RHO: variants seen among roughly 807,000 people sequenced by gnomAD.
The protein encoded by RHO is rhodopsin, also known as opsin 2, rod pigment.
Under a neutral mutation model 31.2 loss-of-function variants are expected in RHO, and 21 were observed. That is an observed-to-expected ratio of 0.67 (90% CI 0.48 to 0.97). The LOEUF (loss-of-function observed/expected upper bound fraction) is 0.97, where lower values mean the gene tolerates loss of function less well. Ranked by LOEUF, RHO falls within the 50% of genes least tolerant of loss-of-function variation. The probability of loss-of-function intolerance (pLI) is 0.00; values close to 1 mark genes in which losing one functional copy is unlikely to be tolerated. For synonymous variants in RHO, 211 were observed against 196.6 expected, an observed-to-expected ratio of 1.07 and a Z score of -0.61; for missense variants, 414 against 479.5, an observed-to-expected ratio of 0.86 and a Z score of 1.28.
Position 129,529,041 on chromosome 3 carries a change from T to A in RHO, c.308T>A (p.Phe103Tyr). 1.9e-6 allele frequency: 3 copies of A among 1,613,454 alleles called. No homozygotes were observed. Among genetic ancestry groups the A allele is most frequent in the Non-Finnish European group, 2.5e-6 (3 of 1,179,420 alleles). ...CTCTACACCTCTCTGCATGGATACT[T>A]CGTCTTCGGGCCCACAGGATGCAAT... ...STLYTSLHGY[F>Y]VFGPTGCNLE... The change falls in exon 1 of 5, where the codon TTC (phenylalanine) becomes TAC (tyrosine). Residue 103 changes from phenylalanine (F) to tyrosine (Y), a missense_variant. Phe to Tyr is a conservative substitution (Grantham distance 22, BLOSUM62 3). Coordinates refer to ENST00000296271, the MANE Select transcript of RHO (RefSeq NM_000539.3).
intron 1 of RHO, 133 bp downstream of exon 1, chr3:129,529,227 C>T (rs1560045878): frequency 1.7e-6 from 2 of 1,187,634 alleles, no homozygotes; most frequent in Non-Finnish European, 2.3e-6. Context: ...CCAAAGCCCT[C>T]ATATATTCAG....
In RHO at chr3:129,529,007, A is replaced by T; in HGVS notation, c.274A>T (p.Thr92Ser). ...ADLFMVLGGF[T>S]STLYTSLHGY... The stretch of plus-strand genomic sequence containing the variant: ...CCTCTTCATGGTCCTAGGTGGCTTC[A>T]CCAGCACCCTCTACACCTCTCTGCA... Residue 92 changes from threonine (T) to serine (S), a missense_variant, in exon 1 of 5, where the codon ACC becomes TCC. Coordinates refer to ENST00000296271, the MANE Select transcript of RHO (RefSeq NM_000539.3). The T allele has an allele frequency of 6.2e-7, 1 of 1,614,176 alleles. No individual in the cohort carries two copies. Among genetic ancestry groups the T allele is most frequent in the Non-Finnish European group, 8.5e-7 (1 of 1,180,040 alleles).
chr3:129,530,859 T>G lies in RHO; in HGVS notation c.362-17T>G, dbSNP rs746563423. On this transcript the variant is annotated splice_polypyrimidine_tract_variant and intron_variant, in intron 1 of 4. Coordinates refer to ENST00000296271, the MANE Select transcript of RHO (RefSeq NM_000539.3). Reference sequence around the variant, plus strand: ...GGCAGTGGGGTCTGTGCTGACCGCCTGCTGACTGCCTTGCAGGTGAAATTG... The same window carrying G: ...GGCAGTGGGGTCTGTGCTGACCGCCGGCTGACTGCCTTGCAGGTGAAATTG... The G allele has an allele frequency of 3.1e-6, 5 of 1,614,108 alleles. No individual in the cohort carries two copies. In the African/African-American group the frequency reaches 4.0e-5, roughly 13 times the overall value.
intron 1 of RHO, among the ~76,000 whole-genome samples, chr3:129,529,847 C>G (rs570714427): frequency 6.6e-6 from 1 of 152,320 alleles, no homozygotes; most frequent in South Asian, 2.1e-4. Context: ...AAAACTGAGG[C>G]AGGGAGAGGG....
intron 1 of RHO, among the ~76,000 whole-genome samples, chr3:129,530,533 A>AAAAC (rs2084771508): frequency 8.1e-6 from 1 of 122,898 alleles, no homozygotes; most frequent in Non-Finnish European, 1.6e-5. Context: ...ACACACACAC[A>AAAAC]ACACACACAC....
chr3:129,531,229 G>A (rs1020274333), intron 2 of RHO, among the ~76,000 whole-genome samples, 185 bp downstream of exon 2: 1 of 152,216 alleles, frequency 6.6e-6, no homozygotes, highest in Non-Finnish European at 1.5e-5. Context: ...TACAAGGGCT[G>A]GTCCCATCTC....
intron 1 of RHO, 54 bp from the exon 2 acceptor site, chr3:129,530,822 G>T (rs1400408135): frequency 3.1e-6 from 5 of 1,605,676 alleles, no homozygotes; most frequent in Non-Finnish European, 4.3e-6. Context: ...AGGGGGGAGT[G>T]CACCCTCCTT....
chr3:129,529,658 CT>C (rs1456900243), intron 1 of RHO, among the ~76,000 whole-genome samples: 1 of 152,250 alleles, frequency 6.6e-6, no homozygotes, highest in Non-Finnish European at 1.5e-5. Context: ...TGCCTCCCCT[CT>C]CAGCCCCTGT....
rs1578279874 is a variant in RHO, at chr3:129,531,138, C to G, written c.530+94C>G. The G allele has an allele frequency of 6.8e-6, 10 of 1,466,966 alleles. No homozygotes were observed. The South Asian group carries it at 1.0e-4, about 15-fold the overall frequency. The allele number at this position is 1,466,966 out of a possible 1,614,324, so 90.9% of individuals were successfully genotyped here. A position where few individuals can be genotyped will look rare whatever the true frequency, so the allele number is the denominator to read the frequency against. ...ACCCAGTAGTGTCTGGTTCCAGGCA[C>G]TGACCTTGTATGTCTCCTGGCCCAA... On this transcript the variant is annotated intron_variant, in intron 2 of 4. Transcript: ENST00000296271.
In RHO at chr3:129,528,743, A is replaced by G. The variant is rs2084755534; in HGVS notation, c.10A>G (p.Thr4Ala). ...CACAAGGGCCACAGCCATGAATGGCACAGAAGGCCCTAACTTCTACGTGCC... is the reference window on the plus strand; with the variant it reads ...CACAAGGGCCACAGCCATGAATGGCGCAGAAGGCCCTAACTTCTACGTGCC... MNG[T>A]EGPNFYVPFS... The change falls in exon 1 of 5, where the codon ACA (threonine) becomes GCA (alanine). Residue 4 changes from threonine (T) to alanine (A), a missense_variant. Physicochemically the swap from Thr to Ala is moderately conservative, Grantham distance 58. Coordinates refer to ENST00000296271, the MANE Select transcript of RHO (RefSeq NM_000539.3). 1 of 1,614,198 alleles carries G rather than the reference A, an allele frequency of 6.2e-7. No individual in the cohort carries two copies. Among genetic ancestry groups the G allele is most frequent in the Non-Finnish European group, 8.5e-7 (1 of 1,180,046 alleles).
Position 129,533,713 on chromosome 3 carries a change from G to A in RHO, c.1042G>A (p.Ala348Thr). 1 of 1,610,554 alleles carries A rather than the reference G, an allele frequency of 6.2e-7. No homozygotes were observed. Among genetic ancestry groups the A allele is most frequent in the Non-Finnish European group, 8.5e-7 (1 of 1,176,922 alleles). Residue 348 changes from alanine (A) to threonine (T), a missense_variant, in exon 5 of 5, where the codon GCC (alanine) becomes ACC (threonine). Ala to Thr is a moderately conservative substitution (Grantham distance 58). Transcript: ENST00000296271. Reference sequence around the variant, plus strand: ...GACGGAGACGAGCCAGGTGGCCCCGGCCTAAGACCTGCCTAGGACTCTGTG... The same window carrying A: ...GACGGAGACGAGCCAGGTGGCCCCGACCTAAGACCTGCCTAGGACTCTGTG... ...SKTETSQVAP[A>T]
Position 129,533,593 on chromosome 3 carries a change from C to A in RHO, c.937-15C>A. 1.2e-6 allele frequency: 2 copies of A among 1,600,806 alleles called. No homozygotes were observed. Among genetic ancestry groups the A allele is most frequent in the South Asian group, 1.1e-5 (1 of 90,840 alleles). On this transcript the variant is annotated splice_polypyrimidine_tract_variant and intron_variant, in intron 4 of 4. Transcript: ENST00000296271. ...TGGGCAGCCCTGGCCCTGACTCAAG[C>A]CTCTTGCCTTCCAGTTCCGGAACTG...
Position 129,532,129 on chromosome 3 carries a change from C to A in RHO, c.531-122C>A. 1.3e-6 allele frequency: 1 copy of A among 747,730 alleles called. No homozygotes were observed. Among genetic ancestry groups the A allele is most frequent in the Non-Finnish European group, 2.4e-6 (1 of 422,864 alleles). 46.3% of individuals were successfully genotyped at this position (747,730 alleles called of 1,614,324 possible). On this transcript the variant is annotated intron_variant, in intron 2 of 4. Transcript: ENST00000296271. This position sits in a 1 kb window ranked among gnomAD's most constrained non-coding sequence, Gnocchi z 5.5. ...CCATCCTGTCACCCAGCCATGCAGA[C>A]GTTTATGATCCCCTTTTCCAGGGAG...
rs759316820 is a variant in RHO at position 129,533,681 on chromosome 3, T to C, written c.1010T>C (p.Val337Ala). 45 of 1,614,090 alleles carry C rather than the reference T, an allele frequency of 2.8e-5. 1 individual carries two copies. The South Asian group carries it at 4.8e-4, about 17-fold the overall frequency. ...GGTGACGATGAGGCCTCTGCTACCG[T>C]GTCCAAGACGGAGACGAGCCAGGTG... ...PLGDDEASAT[V>A]SKTETSQVAP... Residue 337 changes from valine (V) to alanine (A), a missense_variant, in exon 5 of 5, where the codon GTG becomes GCG. Physicochemically the swap from Val to Ala is moderately conservative, Grantham distance 64. Coordinates refer to ENST00000296271, the MANE Select transcript of RHO (RefSeq NM_000539.3).
rs1354028828 is a variant in RHO, at chr3:129,531,048, A to C, written c.530+4A>C. 2 of 1,613,238 alleles carry C rather than the reference A, an allele frequency of 1.2e-6. No homozygotes were observed. Among genetic ancestry groups the C allele is most frequent in the Non-Finnish European group, 1.7e-6 (2 of 1,180,018 alleles). On this transcript the variant is annotated splice_donor_region_variant and intron_variant, in intron 2 of 4. Coordinates refer to ENST00000296271, the MANE Select transcript of RHO (RefSeq NM_000539.3). ...CCCCACTCGCCGGCTGGTCCAGGTA[A>C]TGGCACTGAGCAGAAGGGAAGAAGC...
In RHO at chr3:129,534,440, A is replaced by C. The variant is rs1427934792; in HGVS notation, c.*722A>C. The stretch of plus-strand genomic sequence containing the variant: ...TCACCTCCTGATAGTGAACATTTTG[A>C]GATTGGGCATTCAGATGATGGGGTT... On this transcript the variant is annotated 3_prime_UTR_variant, in exon 5 of 5. Transcript: ENST00000296271. 6.6e-6 allele frequency: 1 copy of C among 152,284 alleles called. No homozygotes were observed. The highest frequency in any genetic ancestry group is 1.5e-5 in the Non-Finnish European group (1 of 68,090). 9.4% of individuals were successfully genotyped at this position (152,284 alleles called of 1,614,324 possible).
chr3:129,529,231 T>C (rs2084760337), intron 1 of RHO, 137 bp downstream of exon 1: 3 of 1,157,270 alleles, frequency 2.6e-6, no homozygotes, highest in African/African-American at 3.1e-5. Flanking sequence ...AGCCCTCATA[T>C]ATTCAGTCAA....
intron 2 of RHO, 77 bp downstream of exon 2, chr3:129,531,121 G>C: frequency 6.4e-7 from 1 of 1,552,800 alleles, no homozygotes; most frequent in Non-Finnish European, 8.8e-7. Flanking sequence ...AAACCCAGTA[G>C]TGTCTGGTTC....
At position 129,532,129 on chromosome 3, in the gene RHO, C is replaced by T. The variant is rs150129519; in HGVS notation, c.531-122C>T. 3,663 of 747,716 alleles carry T rather than the reference C, an allele frequency of 4.9e-3. 13 individuals are homozygous for T. The highest frequency in any genetic ancestry group is 6.8e-3 in the Non-Finnish European group (2,892 of 422,850). 46.3% of individuals were successfully genotyped at this position (747,716 alleles called of 1,614,324 possible). A position where few individuals can be genotyped will look rare whatever the true frequency, so the allele number is the denominator to read the frequency against. ...CCATCCTGTCACCCAGCCATGCAGA[C>T]GTTTATGATCCCCTTTTCCAGGGAG... On this transcript the variant is annotated intron_variant, in intron 2 of 4. Transcript: ENST00000296271. The surrounding 1 kb of genome is among the most constrained non-coding windows in gnomAD (Gnocchi z 5.5).
Sources: allele counts gnomAD v4.1 joint callset (sites outside exome capture counted in the v4.1 genomes callset), GRCh38; gene constraint gnomAD v4.1.1; non-coding constraint Gnocchi (gnomAD v3.1); transcripts MANE v1.5; gene names NCBI Gene and HGNC (gene_info 2026-07-23, HGNC 2026-07-21).